GRB10: variants seen among roughly 807,000 people sequenced by gnomAD.
GRB10 encodes the protein growth factor receptor-bound protein 10.
In GRB10, 20 loss-of-function variants were observed where a neutral mutation model predicts 80.9. The observed-to-expected ratio is 0.25, with a 90% confidence interval of 0.17 to 0.36. The LOEUF is 0.36. Among genes scored for constraint, GRB10 ranks in the 10% least tolerant of loss-of-function variants. The pLI is 1.00. For synonymous variants in GRB10, 291 were observed against 291.5 expected (o/e 1.00, Z 0.02); for missense variants, 548 against 747.7 (o/e 0.73, Z 3.12).
At chr7:50,701,334 C>T (rs1401226793) in intron 5 of GRB10, among the ~76,000 whole-genome samples, 1 of 152,186 alleles carries the variant, frequency 6.6e-6, no homozygotes, top group Non-Finnish European at 1.5e-5. Context: ...CTGCAGCTCA[C>T]ACATGTAAAC....
chr7:50,693,590 TGA>T (rs1473930668), intron 5 of GRB10, among the ~76,000 whole-genome samples: 2 of 152,164 alleles, frequency 1.3e-5, no homozygotes, highest in Non-Finnish European at 2.9e-5. Flanking sequence ...TGTCTCCAAC[TGA>T]GAGAATGAAC....
intron 3 of GRB10, among the ~76,000 whole-genome samples, chr7:50,738,524 A>T (rs186502166): frequency 6.6e-6 from 1 of 152,332 alleles, no homozygotes; most frequent in Admixed American, 6.5e-5. Context: ...CTGCAGCCTC[A>T]AATTCATGGG....
chr7:50,747,566 G>A (rs530379651), intron 3 of GRB10: 1 of 152,254 alleles, frequency 6.6e-6, no homozygotes, highest in South Asian at 2.1e-4. Flanking sequence ...GAGCTGACTG[G>A]GCAGACACCC....
intron 7 of GRB10, among the ~76,000 whole-genome samples, chr7:50,646,199 TCTTTTCCCCTAGCAA>T (rs1459326656): frequency 1.3e-5 from 2 of 152,194 alleles, no homozygotes; most frequent in Non-Finnish European, 2.9e-5. Flanking sequence ...CTCAGTAGCG[TCTTTTCCCCTAGCAA>T]CGTTCACCCT....
At chr7:50,764,239 A>T (rs2076091719) in intron 2 of GRB10, among the ~76,000 whole-genome samples, 1 of 151,584 alleles carries the variant, frequency 6.6e-6, no homozygotes, top group Non-Finnish European at 1.5e-5. Flanking sequence ...CGCCTGACCC[A>T]CTCCAGACCC....
intron 5 of GRB10, among the ~76,000 whole-genome samples, chr7:50,676,861 C>A (rs149536734): frequency 2.0e-5 from 3 of 152,166 alleles, no homozygotes; most frequent in Non-Finnish European, 4.4e-5. Flanking sequence ...CGCTCAAGAT[C>A]CTGGTGAAGA....
chr7:50,648,444 G>C (rs965010952), intron 7 of GRB10, among the ~76,000 whole-genome samples: 4 of 152,196 alleles, frequency 2.6e-5, no homozygotes, highest in African/African-American at 9.7e-5. Flanking sequence ...GGAAACCAAG[G>C]AAAATGATAA....
intron 3 of GRB10, among the ~76,000 whole-genome samples, chr7:50,739,658 C>T (rs149590292): frequency 1.2e-4 from 18 of 152,358 alleles, no homozygotes; most frequent in Admixed American, 3.9e-4. Flanking sequence ...TTTCAAGACC[C>T]GGTAACAGGT....
chr7:50,704,197 CA>C (rs11312125), intron 4 of GRB10, among the ~76,000 whole-genome samples: 123,224 of 152,130 alleles, frequency 0.81, 50,023 homozygotes, highest in Middle Eastern at 0.92. Context: ...CCAACTGCTC[CA>C]ATTTAGGCAG....
chr7:50,738,906 A>G (rs1254140018), intron 3 of GRB10, among the ~76,000 whole-genome samples: 1 of 152,180 alleles, frequency 6.6e-6, no homozygotes, highest in Non-Finnish European at 1.5e-5. Context: ...GTGGTTTCAC[A>G]TTGTTCTTTT....
intron 1 of GRB10, chr7:50,793,040 G>A (rs1188600367): frequency 7.0e-6 from 1 of 142,662 alleles, no homozygotes; most frequent in East Asian, 2.1e-4. Context: ...CCGGGGCGCC[G>A]GAGCCCCCGG....
At chr7:50,789,582 T>G (rs2078830473) in intron 1 of GRB10, among the ~76,000 whole-genome samples, 1 of 152,104 alleles carries the variant, frequency 6.6e-6, no homozygotes, top group African/African-American at 2.4e-5. Context: ...GGGTTATTCC[T>G]CCCCAGCGCC....
intron 5 of GRB10, among the ~76,000 whole-genome samples, chr7:50,687,626 C>T (rs2062261324): frequency 6.6e-6 from 1 of 152,240 alleles, no homozygotes; most frequent in Non-Finnish European, 1.5e-5. Flanking sequence ...CACCATTTTG[C>T]ATGTCACTAC....
intron 17 of GRB10, among the ~76,000 whole-genome samples, chr7:50,599,751 T>C (rs1378549019): frequency 3.9e-5 from 6 of 152,234 alleles, no homozygotes; most frequent in African/African-American, 1.4e-4. Flanking sequence ...ACTGGGTTTC[T>C]GATCCGAGAA....
chr7:50,738,370 G>A (rs770657497), intron 3 of GRB10, among the ~76,000 whole-genome samples: 1 of 152,172 alleles, frequency 6.6e-6, no homozygotes, highest in African/African-American at 2.4e-5. Context: ...CCAAAAGGTG[G>A]AAGCAACCTA....
chr7:50,686,268 C>T (rs187840728), intron 5 of GRB10, among the ~76,000 whole-genome samples: 298 of 152,228 alleles, frequency 2.0e-3, no homozygotes, highest in Middle Eastern at 3.4e-3. Context: ...TGTGAGGACA[C>T]GGCAAGAAGA....
intron 4 of GRB10, chr7:50,705,014 C>G: frequency 2.6e-6 from 1 of 380,558 alleles, no homozygotes; most frequent in African/African-American, 2.2e-5. Flanking sequence ...AAGCAGCAGG[C>G]CTTGGGAATG....
intron 3 of GRB10, among the ~76,000 whole-genome samples, chr7:50,742,145 C>T (rs1044215751): frequency 6.6e-6 from 1 of 152,110 alleles, no homozygotes. Context: ...GATGGAAGAA[C>T]CAATCAATGA....
intron 7 of GRB10, among the ~76,000 whole-genome samples, chr7:50,631,869 A>G (rs1236828771): frequency 6.6e-6 from 1 of 152,208 alleles, no homozygotes; most frequent in African/African-American, 2.4e-5. Flanking sequence ...CCGATGTCAC[A>G]GAGGTGGAAA....
Sources: gnomAD v4.1 joint callset for allele counts (sites outside exome capture counted in the v4.1 genomes callset) on GRCh38, gnomAD v4.1.1 for gene constraint, MANE v1.5 for transcripts, NCBI Gene and HGNC (gene_info 2026-07-23, HGNC 2026-07-21) for gene names.